The following BCKDHB variants were observed in gnomAD, a reference collection of about 807,000 sequenced individuals.
The protein encoded by BCKDHB is branched chain keto acid dehydrogenase E1 subunit beta.
A neutral mutation model predicts 48.5 loss-of-function variants in BCKDHB; 41 were observed. The observed-to-expected ratio is 0.85, with a 90% CI of 0.66 to 1.10. BCKDHB has a LOEUF of 1.10. Ranked by LOEUF, BCKDHB falls within the 50% of genes least tolerant of loss-of-function variation. The probability of loss-of-function intolerance (pLI) is 0.00; values close to 1 mark genes in which losing one functional copy is unlikely to be tolerated. For missense variants in BCKDHB, 496 were observed against 494.2 expected, an observed-to-expected ratio of 1.00 and a Z score of -0.03; for synonymous variants, 201 against 174.8, an observed-to-expected ratio of 1.15 and a Z score of -1.18.
chr6:80,405,273 A>G, the BCKDHB span, among the ~76,000 whole-genome samples: 4 of 152,122 alleles, frequency 2.6e-5, no homozygotes, highest in African/African-American at 7.2e-5. Context: ...AAATTGCTTT[A>G]TCATTATTTA....
At chr6:80,439,152 A>C in the BCKDHB span, among the ~76,000 whole-genome samples, 1 of 152,220 alleles carries the variant, frequency 6.6e-6, no homozygotes, top group Non-Finnish European at 1.5e-5. Context: ...TCTATTAACC[A>C]GAACTTGTCC....
At chr6:80,373,627 T>C in the BCKDHB span, among the ~76,000 whole-genome samples, 5 of 152,192 alleles carry the variant, frequency 3.3e-5, no homozygotes, top group African/African-American at 1.2e-4. Flanking sequence ...TAGTATTGCA[T>C]TGCTGTCTAT....
At chr6:80,234,643 C>G (rs747723021) in intron 8 of BCKDHB, among the ~76,000 whole-genome samples, 47 of 152,094 alleles carry the variant, frequency 3.1e-4, no homozygotes, top group Admixed American at 9.8e-4. Flanking sequence ...TCCCAGAAAA[C>G]TAAAAATAGA....
chr6:80,421,478 G>A, the BCKDHB span, among the ~76,000 whole-genome samples: 1 of 152,190 alleles, frequency 6.6e-6, no homozygotes, highest in Non-Finnish European at 1.5e-5. Context: ...GTAATAGGCA[G>A]AGGTTGGAAC....
At chr6:80,324,310 G>GT (rs1206303082) in intron 9 of BCKDHB, among the ~76,000 whole-genome samples, 1 of 152,136 alleles carries the variant, frequency 6.6e-6, no homozygotes, top group African/African-American at 2.4e-5. Flanking sequence ...CTAGGCATCT[G>GT]TTTTTAAAGC....
chr6:80,147,648 C>T (rs913639437), intron 3 of BCKDHB, among the ~76,000 whole-genome samples: 4 of 152,170 alleles, frequency 2.6e-5, no homozygotes, highest in East Asian at 1.9e-4. Flanking sequence ...TTGTGACCTT[C>T]GGTGTGCGTC....
intron 9 of BCKDHB, among the ~76,000 whole-genome samples, chr6:80,304,302 T>C (rs1428454101): frequency 6.6e-6 from 1 of 152,110 alleles, no homozygotes; most frequent in African/African-American, 2.4e-5. Flanking sequence ...CTTTTGCCAT[T>C]GCTACATTTT....
chr6:80,186,342 A>AG (rs1406024664), intron 6 of BCKDHB, among the ~76,000 whole-genome samples: 1 of 152,090 alleles, frequency 6.6e-6, no homozygotes, highest in African/African-American at 2.4e-5. Flanking sequence ...TCGCCAGGGA[A>AG]GGGGGGAAAG....
At chr6:80,232,826 C>G (rs1775990314) in intron 8 of BCKDHB, among the ~76,000 whole-genome samples, 1 of 150,936 alleles carries the variant, frequency 6.6e-6, no homozygotes, top group Admixed American at 6.6e-5. Context: ...TGTGCGTTCT[C>G]TTTCTTTATG....
chr6:80,208,969 A>G (rs1774796302), intron 8 of BCKDHB, among the ~76,000 whole-genome samples: 1 of 151,894 alleles, frequency 6.6e-6, no homozygotes, highest in African/African-American at 2.4e-5. Flanking sequence ...AAAATTATAG[A>G]CAGCTTTTAA....
chr6:80,121,601 G>A (rs1390387950), intron 1 of BCKDHB, among the ~76,000 whole-genome samples: 1 of 152,054 alleles, frequency 6.6e-6, no homozygotes, highest in African/African-American at 2.4e-5. Flanking sequence ...TGGATTCCTA[G>A]GTATTTTATT....
chr6:80,223,812 T>C (rs1178957858), intron 8 of BCKDHB, among the ~76,000 whole-genome samples: 1 of 152,172 alleles, frequency 6.6e-6, no homozygotes, highest in Non-Finnish European at 1.5e-5. Context: ...TTCGTATGTC[T>C]CTCCGTGTGG....
At chr6:80,351,978 C>T in the BCKDHB span, among the ~76,000 whole-genome samples, 6 of 151,880 alleles carry the variant, frequency 4.0e-5, no homozygotes, top group African/African-American at 1.5e-4. Context: ...TGTGCCACCA[C>T]GCCCGACTAA....
intron 1 of BCKDHB, among the ~76,000 whole-genome samples, chr6:80,127,075 G>T (rs957982747): frequency 6.6e-6 from 1 of 152,150 alleles, no homozygotes; most frequent in African/African-American, 2.4e-5. Context: ...CCAAACTCCA[G>T]CAGTTCCGGG....
the BCKDHB span, among the ~76,000 whole-genome samples, chr6:80,422,273 C>T: frequency 6.6e-6 from 1 of 152,148 alleles, no homozygotes; most frequent in Admixed American, 6.5e-5. Context: ...CTGCAGTGTG[C>T]AGAAGACAAG....
the BCKDHB span, among the ~76,000 whole-genome samples, chr6:80,375,528 T>C: frequency 0.054 from 8,262 of 152,208 alleles, 628 homozygotes; most frequent in African/African-American, 0.17. Flanking sequence ...ATGCTATGTA[T>C]TTCACTGAAG....
At chr6:80,460,849 G>A in the BCKDHB span, among the ~76,000 whole-genome samples, 1 of 152,060 alleles carries the variant, frequency 6.6e-6, no homozygotes, top group Non-Finnish European at 1.5e-5. Flanking sequence ...ATTGTTGACT[G>A]AACTCTTCTC....
Position 80,163,148 on chromosome 6 carries a change from G to A in BCKDHB, c.344-4530G>A, listed in dbSNP as rs143743700. On this transcript the variant is annotated intron_variant, in intron 3 of 9. Transcript: ENST00000320393. ...TTGCTGTAGGGTCTTGAACTCCTGG[G>A]CTCAAGTGATTCTCCGAAAGTGGTG... 1.7e-3 allele frequency among the ~76,000 whole-genome samples: 264 copies of A among 151,986 alleles called. 1 individual carries two copies. Among genetic ancestry groups the A allele is most frequent in the African/African-American group, 6.0e-3 (250 of 41,478 alleles).
intron 9 of BCKDHB, among the ~76,000 whole-genome samples, chr6:80,341,510 A>G (rs2322758): frequency 0.78 from 118,057 of 152,154 alleles, 46,183 homozygotes; most frequent in Admixed American, 0.84. Context: ...TCGTGCAGAC[A>G]TATAGATGTA....
Sources: gnomAD v4.1 joint callset for allele counts (sites outside exome capture counted in the v4.1 genomes callset) on GRCh38, gnomAD v4.1.1 for gene constraint, MANE v1.5 for transcripts, NCBI Gene and HGNC (gene_info 2026-07-23, HGNC 2026-07-21) for gene names.